The following MYH16 variants were observed in gnomAD, a reference collection of about 807,000 sequenced individuals.
The protein encoded by MYH16 is myosin heavy chain 16.
rs191210455 is a variant in MYH16, at chr7:99,297,171, C to A, written n.4499+254C>A. 2.0e-3 allele frequency among the ~76,000 whole-genome samples: 302 copies of A among 152,264 alleles called. 1 individual carries two copies. Among genetic ancestry groups the A allele is most frequent in the Non-Finnish European group, 3.4e-3 (228 of 68,020 alleles). On this transcript the variant is annotated intron_variant and non_coding_transcript_variant, in intron 34 of 41. Transcript: ENST00000439784. Reference sequence around the variant, plus strand: ...AAATAGCCGGGTGTGATAGCTCATGCCTGTAATCCCAGCACTTTGGGAGGC... The same window carrying A: ...AAATAGCCGGGTGTGATAGCTCATGACTGTAATCCCAGCACTTTGGGAGGC...
At chr7:99,255,553 G>C (rs1211484217) in intron 8 of MYH16, 2 of 152,738 alleles carry the variant, frequency 1.3e-5, no homozygotes, top group Non-Finnish European at 2.9e-5. Flanking sequence ...ATGTCACCAA[G>C]GGTTAACCTG....
chr7:99,241,481 G>T (rs1053512499), intron 1 of MYH16, among the ~76,000 whole-genome samples: 3 of 152,184 alleles, frequency 2.0e-5, no homozygotes, highest in Non-Finnish European at 4.4e-5. Flanking sequence ...TACTTGGGAG[G>T]CTGAGGCAGG....
rs1036785971 is a variant in MYH16, at chr7:99,294,880, A to T, written n.4282+730A>T. On this transcript the variant is annotated intron_variant and non_coding_transcript_variant, in intron 33 of 41. Coordinates refer to ENST00000439784, the Ensembl canonical transcript of MYH16. ...TGTGCCCAGCCCCCAAAAAAGTTTT[A>T]AATTAAAAATTTAGCCAGGTGTGGT... 7.2e-5 allele frequency among the ~76,000 whole-genome samples: 11 copies of T among 152,212 alleles called. No homozygotes were observed. In the East Asian group the frequency reaches 1.9e-3, roughly 27 times the overall value.
intron 30 of MYH16, chr7:99,291,071 G>A (rs139288313): frequency 1.2e-3 from 254 of 214,000 alleles, no homozygotes; most frequent in Non-Finnish European, 2.0e-3. Context: ...TAGGAGATAG[G>A]GGTTTCATTA....
chr7:99,299,909 G>A (rs999002093), intron 37 of MYH16, among the ~76,000 whole-genome samples: 3 of 149,872 alleles, frequency 2.0e-5, no homozygotes, highest in Non-Finnish European at 2.9e-5. Flanking sequence ...AGTTGGGCCC[G>A]TCTAGATTTT....
chr7:99,304,535 G>A (rs1792652644), intron 39 of MYH16, 51 bp from the exon 21 acceptor site: 1 of 152,542 alleles, frequency 6.6e-6, no homozygotes, highest in African/African-American at 2.4e-5. Flanking sequence ...GGAGCTATGA[G>A]CCTGGGTAGC....
chr7:99,309,718 G>A (rs1792732700), downstream of MYH16, among the ~76,000 whole-genome samples: 2 of 152,226 alleles, frequency 1.3e-5, no homozygotes, highest in South Asian at 4.1e-4. Context: ...CCCCTGCCCT[G>A]GTTTGGCTGG....
At chr7:99,265,341 A>T (rs1024710719) in intron 16 of MYH16, among the ~76,000 whole-genome samples, 1 of 152,212 alleles carries the variant, frequency 6.6e-6, no homozygotes, top group African/African-American at 2.4e-5. Context: ...TCCAAGAATC[A>T]TATTCTAGCT....
At chr7:99,239,206 C>T (rs2150802617) in intron 1 of MYH16, among the ~76,000 whole-genome samples, 1 of 152,322 alleles carries the variant, frequency 6.6e-6, no homozygotes, top group Admixed American at 6.5e-5. Flanking sequence ...TGGCCCTGGG[C>T]AAGACGCATT....
chr7:99,300,992 T>A (rs1792584669), intron 37 of MYH16, among the ~76,000 whole-genome samples: 1 of 151,678 alleles, frequency 6.6e-6, no homozygotes, highest in Admixed American at 6.6e-5. Flanking sequence ...GTCAGGAGTT[T>A]GAGACCAGCC....
At chr7:99,266,983 T>C (rs1791993953) in intron 18 of MYH16, 1 of 152,622 alleles carries the variant, frequency 6.6e-6, no homozygotes, top group Non-Finnish European at 1.5e-5. Flanking sequence ...AGGTAGGGTA[T>C]GGTGGGCGGT....
chr7:99,275,097 G>C (rs924127040), intron 20 of MYH16, among the ~76,000 whole-genome samples: 2 of 152,084 alleles, frequency 1.3e-5, no homozygotes, highest in African/African-American at 4.8e-5. Context: ...GGGCTCAAGC[G>C]ATCCTTCCAC....
chr7:99,307,897 G>C (rs1430703552), downstream of MYH16, among the ~76,000 whole-genome samples: 1 of 151,890 alleles, frequency 6.6e-6, no homozygotes, highest in African/African-American at 2.4e-5. Flanking sequence ...TGTATTTTTA[G>C]TAGAGACGGG....
intron 18 of MYH16, chr7:99,267,060 C>A (rs551686661): frequency 5.2e-5 from 8 of 152,670 alleles, no homozygotes; most frequent in Admixed American, 5.2e-4. Context: ...TTCCACCTGA[C>A]CACTGACCAA....
downstream of MYH16, among the ~76,000 whole-genome samples, chr7:99,308,876 G>C (rs537110125): frequency 1.7e-3 from 264 of 152,320 alleles, 4 homozygotes; most frequent in Middle Eastern, 0.01. Flanking sequence ...AGGATCACTT[G>C]AGGCCAGAAG....
At chr7:99,267,211 A>G (rs1261627221) in intron 18 of MYH16, among the ~76,000 whole-genome samples, 3 of 152,196 alleles carry the variant, frequency 2.0e-5, no homozygotes, top group African/African-American at 7.2e-5. Context: ...GGGGAACTCA[A>G]TCAATGGTAG....
intron 1 of MYH16, among the ~76,000 whole-genome samples, chr7:99,240,666 C>A (rs1791657038): frequency 6.6e-6 from 1 of 152,078 alleles, no homozygotes; most frequent in Non-Finnish European, 1.5e-5. Context: ...GCCTGGGCAA[C>A]ATAACGAGGC....
At chr7:99,251,305 G>A (rs1245485684) in intron 6 of MYH16, 1 of 152,712 alleles carries the variant, frequency 6.5e-6, no homozygotes, top group African/African-American at 2.4e-5. Flanking sequence ...GACAAGTGAA[G>A]ACATCCCCTT....
chr7:99,300,848 C>A (rs926363918), intron 37 of MYH16, among the ~76,000 whole-genome samples: 1 of 151,952 alleles, frequency 6.6e-6, no homozygotes, highest in African/African-American at 2.4e-5. Flanking sequence ...CCCAAGCAGA[C>A]AGCAACAAAA....
Sources: allele counts gnomAD v4.1 joint callset (sites outside exome capture counted in the v4.1 genomes callset), GRCh38; gene constraint gnomAD v4.1.1; transcripts MANE v1.5; gene names NCBI Gene and HGNC (gene_info 2026-07-23, HGNC 2026-07-21).